The following WDR72 variants were observed in gnomAD, a reference collection of about 807,000 sequenced individuals.
The protein encoded by WDR72 is WD repeat-containing protein 72.
WDR72 carries 120 observed loss-of-function variants against 124.2 expected under a neutral mutation model. The ratio of observed to expected loss-of-function variants is 0.97; its 90% CI spans 0.83 to 1.12. WDR72 has a LOEUF of 1.12. Ranked by LOEUF, WDR72 falls within the 50% of genes most tolerant of loss-of-function variation. The probability of loss-of-function intolerance (pLI) is 0.00; values close to 1 mark genes in which losing one functional copy is unlikely to be tolerated. For synonymous variants in WDR72, 452 were observed against 441.7 expected, an observed-to-expected ratio of 1.02 and a Z score of -0.29; for missense variants, 1,387 against 1,278.8, an observed-to-expected ratio of 1.08 and a Z score of -1.29.
At chr15:53,751,282 C>A (rs2018767908) in intron 1 of WDR72, among the ~76,000 whole-genome samples, 1 of 151,742 alleles carries the variant, frequency 6.6e-6, no homozygotes, top group Non-Finnish European at 1.5e-5. Context: ...TCAATCAATG[C>A]AGCAAACTTC....
intron 18 of WDR72, among the ~76,000 whole-genome samples, chr15:53,555,206 T>G (rs1409394817): frequency 4.1e-5 from 4 of 96,616 alleles, no homozygotes; most frequent in Non-Finnish European, 9.2e-5. Context: ...GTGAAGCCAT[T>G]TAAGATAAAA....
At chr15:53,654,821 C>T (rs1489451882) in intron 14 of WDR72, among the ~76,000 whole-genome samples, 1 of 152,190 alleles carries the variant, frequency 6.6e-6, no homozygotes, top group Non-Finnish European at 1.5e-5. Flanking sequence ...CTGCTTCTAT[C>T]TTACTAATTC....
intron 17 of WDR72, among the ~76,000 whole-genome samples, chr15:53,599,272 CA>C (rs1358144276): frequency 4.6e-5 from 7 of 151,972 alleles, no homozygotes; most frequent in Admixed American, 3.9e-4. Flanking sequence ...TCATGATGAA[CA>C]ATTTTATAAC....
Position 53,726,220 on chromosome 15 carries a change from GTATA to G in WDR72, c.154-3316_154-3313del, listed in dbSNP as rs148593734. 3.1e-3 allele frequency among the ~76,000 whole-genome samples: 426 copies of G among 136,454 alleles called. 3 individuals are homozygous for G. Among genetic ancestry groups the G allele is most frequent in the African/African-American group, 0.012 (402 of 34,748 alleles). The allele number at this position is 136,454 out of a possible 152,430, so 89.5% of individuals were successfully genotyped here. A position where few individuals can be genotyped will look rare whatever the true frequency, so the allele number is the denominator to read the frequency against. On this transcript the variant is annotated intron_variant, in intron 2 of 19. Coordinates refer to ENST00000360509, the MANE Select transcript of WDR72 (RefSeq NM_182758.4). ...TGTGTGTGTATATATATATGTATGT[GTATA>G]TATATATATATGTATGTGTGTATAT...
At chr15:53,551,692 G>C (rs1893735511) in intron 18 of WDR72, among the ~76,000 whole-genome samples, 1 of 152,060 alleles carries the variant, frequency 6.6e-6, no homozygotes. Flanking sequence ...ATTACCTTAA[G>C]AGTCAGACAT....
chr15:53,736,274 G>A (rs1016541504), intron 1 of WDR72, among the ~76,000 whole-genome samples: 2 of 152,126 alleles, frequency 1.3e-5, no homozygotes, highest in African/African-American at 4.8e-5. Context: ...TATGAGGAGG[G>A]CATCAGGATA....
At chr15:53,630,240 C>T (rs1011960222) in intron 14 of WDR72, among the ~76,000 whole-genome samples, 11 of 152,112 alleles carry the variant, frequency 7.2e-5, no homozygotes, top group African/African-American at 2.7e-4. Context: ...ATAGAAAAGA[C>T]CAGGTCCAGA....
intron 11 of WDR72, among the ~76,000 whole-genome samples, chr15:53,704,253 G>C (rs1250669141): frequency 6.6e-6 from 1 of 152,106 alleles, no homozygotes; most frequent in East Asian, 1.9e-4. Flanking sequence ...TTTAAAGTCA[G>C]CTCATAAAGA....
At chr15:53,639,441 C>T (rs1001418992) in intron 14 of WDR72, among the ~76,000 whole-genome samples, 3 of 127,082 alleles carry the variant, frequency 2.4e-5, no homozygotes, top group Non-Finnish European at 5.1e-5. Flanking sequence ...AGCAAGACCT[C>T]GTCTCTACAG....
chr15:53,560,666 T>A (rs1201774640), intron 18 of WDR72, among the ~76,000 whole-genome samples: 2 of 151,936 alleles, frequency 1.3e-5, no homozygotes, highest in Non-Finnish European at 2.9e-5. Context: ...TTTGGAAGTC[T>A]AGTTTAAGTT....
chr15:53,529,159 TATATA>T, intron 18 of WDR72, among the ~76,000 whole-genome samples: 1 of 54,956 alleles, frequency 1.8e-5, no homozygotes, highest in East Asian at 5.3e-4. Context: ...TATATATATA[TATATA>T]TTTTTTTTTT....
At chr15:53,752,911 G>A (rs942772443) in intron 1 of WDR72, among the ~76,000 whole-genome samples, 1 of 151,920 alleles carries the variant, frequency 6.6e-6, no homozygotes, top group African/African-American at 2.4e-5. Context: ...TCAATAATTA[G>A]TATCTAGTAA....
Position 53,615,599 on chromosome 15 carries a change from G to A in WDR72, c.2607C>T (p.Asp869=), listed in dbSNP as rs750368032. ...GAGTGGCTGTGTATTTATCTGACAA[G>A]TCCAAAACTTTCCTGGAAAATAAAT... ...GVNLFSRKVL[D]LSDKYTATLP... The change falls in exon 15 of 20, where the codon GAC becomes GAT. Residue 869 remains aspartate, a synonymous_variant. Coordinates refer to ENST00000360509, the MANE Select transcript of WDR72 (RefSeq NM_182758.4). 1 of 1,612,714 alleles carries A rather than the reference G, an allele frequency of 6.2e-7. No individual in the cohort carries two copies. The highest frequency in any genetic ancestry group is 8.5e-7 in the Non-Finnish European group (1 of 1,179,368).
intron 13 of WDR72, among the ~76,000 whole-genome samples, chr15:53,670,226 TAG>T (rs2015938629): frequency 6.6e-6 from 1 of 152,198 alleles, no homozygotes; most frequent in South Asian, 2.1e-4. Context: ...AATAGTGCAT[TAG>T]AGACCAGAGC....
At chr15:53,665,989 G>A (rs1390198075) in intron 13 of WDR72, among the ~76,000 whole-genome samples, 4 of 152,158 alleles carry the variant, frequency 2.6e-5, no homozygotes, top group Admixed American at 6.5e-5. Flanking sequence ...TCCTCTTTGC[G>A]CTTCTTCATC....
intron 18 of WDR72, among the ~76,000 whole-genome samples, chr15:53,529,610 T>G (rs1892338800): frequency 6.6e-6 from 1 of 152,026 alleles, no homozygotes; most frequent in Non-Finnish European, 1.5e-5. Context: ...GGTTTCAGTT[T>G]CTCAGCGATA....
chr15:53,713,292 C>T (rs1199300466), intron 6 of WDR72, among the ~76,000 whole-genome samples: 1 of 150,140 alleles, frequency 6.7e-6, no homozygotes, highest in East Asian at 1.9e-4. Context: ...CGGCTGGATG[C>T]TGAGAATGTC....
chr15:53,555,324 A>G (rs1019414514), intron 18 of WDR72, among the ~76,000 whole-genome samples: 9 of 152,012 alleles, frequency 5.9e-5, no homozygotes, highest in African/African-American at 2.2e-4. Flanking sequence ...CCCACGAAAG[A>G]CTTCAGAGCA....
At chr15:53,697,213 G>A (rs1267316658) in intron 13 of WDR72, among the ~76,000 whole-genome samples, 2 of 152,194 alleles carry the variant, frequency 1.3e-5, no homozygotes, top group African/African-American at 4.8e-5. Flanking sequence ...AGCCTAGTAT[G>A]TCCATAATGA....
Sources: gnomAD v4.1 joint callset for allele counts (sites outside exome capture counted in the v4.1 genomes callset) on GRCh38, gnomAD v4.1.1 for gene constraint, MANE v1.5 for transcripts, NCBI Gene and HGNC (gene_info 2026-07-23, HGNC 2026-07-21) for gene names.